The following CLPB variants were observed in gnomAD, a reference collection of about 807,000 sequenced individuals.
CLPB encodes the protein mitochondrial disaggregase.
A neutral mutation model predicts 78.4 loss-of-function variants in CLPB; 40 were observed. The observed-to-expected ratio is 0.51, with a 90% CI of 0.40 to 0.66. The LOEUF (loss-of-function observed/expected upper bound fraction) is 0.66, where lower values mean the gene tolerates loss of function less well. Ranked by LOEUF, CLPB falls within the 30% of genes least tolerant of loss-of-function variation. CLPB has a pLI of 0.00. For synonymous variants in CLPB, 333 were observed against 348.0 expected (o/e 0.96, Z 0.48); for missense variants, 780 against 886.9 (o/e 0.88, Z 1.53).
intron 2 of CLPB, among the ~76,000 whole-genome samples, chr11:72,422,523 C>A (rs1306229247): frequency 6.6e-6 from 1 of 152,128 alleles, no homozygotes; most frequent in Non-Finnish European, 1.5e-5. Flanking sequence ...CCCTAGCATT[C>A]AAAAAACTGT....
rs1949429575 is a variant in CLPB, at chr11:72,289,714, G to T, written c.*3653C>A. ...GCCTCCTACGTAGCTAGGATTACAG[G>T]AATGCACCACCATGCCTGGCTAATT... On this transcript the variant is annotated 3_prime_UTR_variant, in exon 16 of 16. Transcript: ENST00000538039. 6.6e-6 allele frequency: 1 copy of T among 152,134 alleles called. No homozygotes were observed. Among genetic ancestry groups the T allele is most frequent in the Non-Finnish European group, 1.5e-5 (1 of 68,052 alleles). The allele number at this position is 152,134 out of a possible 1,614,324, so 9.4% of individuals were successfully genotyped here.
chr11:72,398,460 A>T (rs758728452), intron 3 of CLPB, among the ~76,000 whole-genome samples: 1 of 152,202 alleles, frequency 6.6e-6, no homozygotes, highest in African/African-American at 2.4e-5. Flanking sequence ...CTTCTTGCTT[A>T]TGAACTTGTG....
At chr11:72,305,340 T>C (rs1409028764) in intron 9 of CLPB, among the ~76,000 whole-genome samples, 3 of 152,296 alleles carry the variant, frequency 2.0e-5, no homozygotes, top group South Asian at 4.1e-4. Flanking sequence ...CCCCATAGGA[T>C]CAAATGGGAG....
chr11:72,330,578 C>G (rs1950206363), intron 5 of CLPB, among the ~76,000 whole-genome samples: 1 of 152,214 alleles, frequency 6.6e-6, no homozygotes, highest in African/African-American at 2.4e-5. Flanking sequence ...TGACTCTGTG[C>G]TGTCACAGCC....
At chr11:72,355,702 C>A (rs1481037464) in intron 5 of CLPB, among the ~76,000 whole-genome samples, 1 of 152,206 alleles carries the variant, frequency 6.6e-6, no homozygotes, top group Admixed American at 6.5e-5. Context: ...ATGCCACCTC[C>A]TAATGGGCCA....
intron 4 of CLPB, among the ~76,000 whole-genome samples, chr11:72,369,773 G>T (rs1461137532): frequency 1.3e-5 from 2 of 152,184 alleles, no homozygotes; most frequent in Non-Finnish European, 2.9e-5. Context: ...CTGTGTGTGT[G>T]TATGTATGTG....
chr11:72,414,301 G>T lies in CLPB; in HGVS notation c.456-11249C>A, dbSNP rs142934010. Among the ~76,000 whole-genome samples the T allele has an allele frequency of 2.2e-3, 338 of 152,290 alleles. 1 individual carries two copies. The highest frequency in any genetic ancestry group is 8.0e-3 in the African/African-American group (333 of 41,552). ...AGTCAGCAGCTGTGGTGGTGAGAAG[G>T]AAAGGCCTGTGCAGGACCTGAGGTG... On this transcript the variant is annotated intron_variant, in intron 2 of 15. Transcript: ENST00000538039.
intron 2 of CLPB, among the ~76,000 whole-genome samples, chr11:72,424,899 C>A (rs1856324602): frequency 6.6e-6 from 1 of 150,560 alleles, no homozygotes; most frequent in Non-Finnish European, 1.5e-5. Context: ...AAAAACAAAA[C>A]AAAACAAAAA....
intron 9 of CLPB, among the ~76,000 whole-genome samples, chr11:72,306,058 A>C (rs139994718): frequency 6.6e-6 from 1 of 152,216 alleles, no homozygotes; most frequent in Non-Finnish European, 1.5e-5. Context: ...GAATTGACTT[A>C]AAAATGCTAT....
intron 2 of CLPB, among the ~76,000 whole-genome samples, chr11:72,419,828 T>C (rs556094785): frequency 3.0e-4 from 46 of 152,324 alleles, no homozygotes; most frequent in Admixed American, 5.9e-4. Flanking sequence ...TTTGTACTAG[T>C]TGTCATTTCG....
intron 7 of CLPB, among the ~76,000 whole-genome samples, chr11:72,314,806 G>A (rs1463940273): frequency 6.6e-6 from 1 of 152,030 alleles, no homozygotes; most frequent in Non-Finnish European, 1.5e-5. Flanking sequence ...ATGCAGGCAG[G>A]AAATCGACAG....
intron 3 of CLPB, among the ~76,000 whole-genome samples, chr11:72,389,894 G>GA (rs58222640): frequency 0.026 from 3,930 of 151,834 alleles, 167 homozygotes; most frequent in African/African-American, 0.09. Flanking sequence ...GCCTGGGCAG[G>GA]AAAAAAAGAA....
intron 3 of CLPB, among the ~76,000 whole-genome samples, chr11:72,401,166 A>G (rs1365898561): frequency 6.6e-6 from 1 of 152,170 alleles, no homozygotes; most frequent in Non-Finnish European, 1.5e-5. Context: ...TGCGCCAGAC[A>G]TGGTGGCTCA....
chr11:72,317,028 G>A (rs181328714), intron 7 of CLPB, 78 bp downstream of exon 7: 84 of 877,848 alleles, frequency 9.6e-5, no homozygotes, highest in African/African-American at 8.0e-4. Flanking sequence ...TATTAACAGC[G>A]CCTATCCAGT....
In CLPB at chr11:72,287,370, GCA is replaced by G. The variant is rs1949403004; in HGVS notation, c.*5995_*5996del. The G allele has an allele frequency of 6.6e-6, 1 of 152,202 alleles. No homozygotes were observed. The highest frequency in any genetic ancestry group is 1.5e-5 in the Non-Finnish European group (1 of 68,032). The allele number at this position is 152,202 out of a possible 1,614,324, so 9.4% of individuals were successfully genotyped here. ...CTGTCACCCAGGCTGGAGTGCAGCAGCACAGTCTTGGCTCACTGCAACCTCTG... is the reference window on the plus strand; with the variant it reads ...CTGTCACCCAGGCTGGAGTGCAGCAGCAGTCTTGGCTCACTGCAACCTCTG... On this transcript the variant is annotated 3_prime_UTR_variant, in exon 16 of 16. Coordinates refer to ENST00000538039, the MANE Select transcript of CLPB (RefSeq NM_001258392.3).
At chr11:72,433,580 T>C (rs1212243832) in intron 1 of CLPB, among the ~76,000 whole-genome samples, 1 of 145,222 alleles carries the variant, frequency 6.9e-6, no homozygotes, top group Non-Finnish European at 1.5e-5. Flanking sequence ...AATAAATAAA[T>C]AAATAAATAA....
At chr11:72,417,525 G>A (rs973665670) in intron 2 of CLPB, among the ~76,000 whole-genome samples, 1 of 152,136 alleles carries the variant, frequency 6.6e-6, no homozygotes, top group South Asian at 2.1e-4. Flanking sequence ...GGAATTAGTG[G>A]TGCTGGTTGC....
At chr11:72,329,340 T>C (rs1019644522) in intron 6 of CLPB, among the ~76,000 whole-genome samples, 4 of 152,050 alleles carry the variant, frequency 2.6e-5, no homozygotes, top group Non-Finnish European at 2.9e-5. Context: ...CTAGGAAAAA[T>C]ATGACCAAAA....
intron 5 of CLPB, among the ~76,000 whole-genome samples, chr11:72,352,105 T>C (rs937719375): frequency 6.6e-6 from 1 of 152,184 alleles, no homozygotes; most frequent in Non-Finnish European, 1.5e-5. Context: ...TTTTCTCTAT[T>C]TTGGAATTTA....
Sources: allele counts gnomAD v4.1 joint callset (sites outside exome capture counted in the v4.1 genomes callset), GRCh38; gene constraint gnomAD v4.1.1; transcripts MANE v1.5; gene names NCBI Gene and HGNC (gene_info 2026-07-23, HGNC 2026-07-21).